Variants in PIP5K1C observed in about 807,000 individuals in gnomAD.
The protein encoded by PIP5K1C is phosphatidylinositol 4-phosphate 5-kinase type-1 gamma.
Under a neutral mutation model 80.1 loss-of-function variants are expected in PIP5K1C, and 45 were observed. That is an observed-to-expected ratio of 0.56 (90% confidence interval 0.44 to 0.72). The LOEUF (loss-of-function observed/expected upper bound fraction) is 0.72, where lower values mean the gene tolerates loss of function less well. Ranked by LOEUF, PIP5K1C falls within the 30% of genes least tolerant of loss-of-function variation. The probability of loss-of-function intolerance (pLI) is 0.00; values close to 1 mark genes in which losing one functional copy is unlikely to be tolerated. For synonymous variants in PIP5K1C, 498 were observed against 420.1 expected (o/e 1.19, Z -2.27); for missense variants, 753 against 954.6 (o/e 0.79, Z 2.78).
At chr19:3,665,940 C>G (rs1036575867) in intron 2 of PIP5K1C, among the ~76,000 whole-genome samples, 10 of 152,174 alleles carry the variant, frequency 6.6e-5, no homozygotes, top group Non-Finnish European at 1.5e-4. Flanking sequence ...CCCAGGGACA[C>G]GCCTGCAGCC....
intron 6 of PIP5K1C, among the ~76,000 whole-genome samples, chr19:3,654,259 C>T (rs553190404): frequency 6.9e-4 from 105 of 152,330 alleles, no homozygotes; most frequent in Admixed American, 1.7e-3. Flanking sequence ...TCCTGCTGTA[C>T]CCTGTAGACC....
At position 3,660,498 on chromosome 19, in the gene PIP5K1C, C is replaced by G. The variant is rs896705960; in HGVS notation, c.468+468G>C. Among the ~76,000 whole-genome samples the G allele has an allele frequency of 1.9e-4, 29 of 152,094 alleles. 1 individual carries two copies. Among genetic ancestry groups the G allele is most frequent in the Non-Finnish European group, 3.7e-4 (25 of 67,998 alleles). On this transcript the variant is annotated intron_variant, in intron 5 of 17. Transcript: ENST00000335312. ...TGGGCTGCTAGGTCAAAGGGGTTGG[C>G]CTAGATTTTGACTTTGCTAACCTGA... is the stretch of plus-strand genomic sequence containing the variant.
intron 7 of PIP5K1C, among the ~76,000 whole-genome samples, chr19:3,652,421 A>G (rs972315603): frequency 1.3e-5 from 2 of 152,208 alleles, no homozygotes; most frequent in Non-Finnish European, 2.9e-5. Flanking sequence ...TGCCCAGGGT[A>G]GCCTCAAGGC....
intron 16 of PIP5K1C, among the ~76,000 whole-genome samples, chr19:3,633,811 G>T (rs2033557510): frequency 6.6e-6 from 1 of 152,094 alleles, no homozygotes; most frequent in South Asian, 2.1e-4. Context: ...GCCGGCGGAA[G>T]CGGGTGGGGG....
At chr19:3,685,780 G>T (rs182223637) in intron 1 of PIP5K1C, among the ~76,000 whole-genome samples, 16 of 152,046 alleles carry the variant, frequency 1.1e-4, no homozygotes, top group African/African-American at 3.6e-4. Context: ...ATGTGTTCAC[G>T]AATTGTCTGG....
chr19:3,671,365 G>T (rs961534235), intron 1 of PIP5K1C, among the ~76,000 whole-genome samples: 2 of 152,252 alleles, frequency 1.3e-5, no homozygotes, highest in African/African-American at 4.8e-5. Context: ...CAGCTCTGCT[G>T]ACCTCACCAG....
chr19:3,669,432 C>T (rs1254710324), intron 1 of PIP5K1C, among the ~76,000 whole-genome samples: 4 of 152,254 alleles, frequency 2.6e-5, no homozygotes, highest in Non-Finnish European at 5.9e-5. Context: ...GAGGTGGGTG[C>T]GGAGTCCGCG....
chr19:3,659,909 G>A (rs1189196777), intron 5 of PIP5K1C, among the ~76,000 whole-genome samples: 2 of 152,194 alleles, frequency 1.3e-5, no homozygotes, highest in African/African-American at 2.4e-5. Flanking sequence ...ACAGGCTCCC[G>A]GCCCCGGGGA....
At chr19:3,699,134 G>A (rs891490844) in intron 1 of PIP5K1C, among the ~76,000 whole-genome samples, 20 of 151,996 alleles carry the variant, frequency 1.3e-4, no homozygotes, top group Non-Finnish European at 2.5e-4. Flanking sequence ...GGAAGTTGGG[G>A]GGCCCAAGAA....
intron 1 of PIP5K1C, among the ~76,000 whole-genome samples, chr19:3,693,345 G>A (rs914078051): frequency 2.6e-5 from 4 of 151,954 alleles, no homozygotes; most frequent in African/African-American, 9.7e-5. Context: ...CCCCATGCCA[G>A]CTCAGGCACC....
Position 3,651,860 on chromosome 19 carries a change from C to T in PIP5K1C, c.1093G>A (p.Ala365Thr), listed in dbSNP as rs781491091. 1.4e-5 allele frequency: 22 copies of T among 1,612,372 alleles called. No homozygotes were observed. Among genetic ancestry groups the T allele is most frequent in the South Asian group, 9.9e-5 (9 of 91,070 alleles). Reference sequence around the variant, plus strand: ...GATTCGATGGCCTCCCCGCGCGCGGCGCCACCCTGGATGGACTCCATGGCC... The same window carrying T: ...GATTCGATGGCCTCCCCGCGCGCGGTGCCACCCTGGATGGACTCCATGGCC... ...STAMESIQGG[A>T]ARGEAIESDD... is the part of the protein sequence containing the mutation. The change falls in exon 8 of 18, where the codon GCC becomes ACC. Residue 365 changes from alanine to threonine, a missense_variant. By Grantham distance (58) the Ala-to-Thr change is moderately conservative (BLOSUM62 0). This residue lies in a region of PIP5K1C where 114 missense variants were observed against 152.4 expected (regional missense o/e 0.75). Transcript: ENST00000335312.
Position 3,637,059 on chromosome 19 carries a change from C to T in PIP5K1C, c.1920+1825G>A. ...GAGGTGGGTGTGGAGAGACCATCTC[C>T]TCCCCGTCTCCATGGCCCTGCGGTT... On this transcript the variant is annotated intron_variant, in intron 16 of 17. Coordinates refer to ENST00000335312, the MANE Select transcript of PIP5K1C (RefSeq NM_012398.3). This position sits in a 1 kb window ranked among gnomAD's most constrained non-coding sequence, Gnocchi z 7.0. The T allele has an allele frequency of 8.5e-7, 1 of 1,173,728 alleles. No individual in the cohort carries two copies. The highest frequency in any genetic ancestry group is 5.7e-5 in the East Asian group (1 of 17,524). The allele number at this position is 1,173,728 out of a possible 1,614,324, so 72.7% of individuals were successfully genotyped here.
chr19:3,646,613 C>T (rs997660323), intron 10 of PIP5K1C, among the ~76,000 whole-genome samples: 1 of 152,204 alleles, frequency 6.6e-6, no homozygotes, highest in Non-Finnish European at 1.5e-5. Context: ...TCGTCAGAGC[C>T]GAGACAGCGC....
At chr19:3,661,837 G>C in intron 4 of PIP5K1C, 34 bp downstream of exon 4, 2 of 1,608,038 alleles carry the variant, frequency 1.2e-6, no homozygotes, top group Admixed American at 3.3e-5. Context: ...CGTGTGTGCT[G>C]GGTGAGCCCT....
At chr19:3,681,885 C>T (rs754569225) in intron 1 of PIP5K1C, among the ~76,000 whole-genome samples, 48 of 152,100 alleles carry the variant, frequency 3.2e-4, no homozygotes, top group Admixed American at 1.0e-3. Context: ...CTGGGGCCTG[C>T]GTTTGGTCCT....
At chr19:3,686,489 C>T (rs1412492554) in intron 1 of PIP5K1C, among the ~76,000 whole-genome samples, 6 of 151,432 alleles carry the variant, frequency 4.0e-5, no homozygotes, top group Admixed American at 1.3e-4. Context: ...GAGGCCAAGG[C>T]GGGCAGATCA....
intron 1 of PIP5K1C, among the ~76,000 whole-genome samples, chr19:3,672,301 G>C (rs1450129647): frequency 1.3e-5 from 2 of 152,224 alleles, no homozygotes; most frequent in Admixed American, 6.5e-5. Context: ...GGCCCTGCCA[G>C]TGCTCCCTGG....
intron 1 of PIP5K1C, among the ~76,000 whole-genome samples, chr19:3,678,165 GAGAT>G: frequency 1.5e-5 from 2 of 136,500 alleles, no homozygotes; most frequent in East Asian, 2.5e-4. Flanking sequence ...GAGGGATGGA[GAGAT>G]GGAGGGATGG....
At position 3,647,150 on chromosome 19, in the gene PIP5K1C, G is replaced by C. The variant is rs191314601; in HGVS notation, c.1260+188C>G. Among the ~76,000 whole-genome samples, 380 of 131,820 alleles carry C rather than the reference G, an allele frequency of 2.9e-3. 4 individuals carry two copies. The highest frequency in any genetic ancestry group is 0.017 in the Middle Eastern group (4 of 240). 86.5% of individuals were successfully genotyped at this position (131,820 alleles called of 152,430 possible). A position where few individuals can be genotyped will look rare whatever the true frequency, so the allele number is the denominator to read the frequency against. ...CACTCACAGAGGAGGGATGGGAGGA[G>C]GGTGCAGGCACTCACAGAGGAGGGA... On this transcript the variant is annotated intron_variant, in intron 10 of 17. Coordinates refer to ENST00000335312, the MANE Select transcript of PIP5K1C (RefSeq NM_012398.3).
Sources: allele counts gnomAD v4.1 joint callset (sites outside exome capture counted in the v4.1 genomes callset), GRCh38; gene constraint gnomAD v4.1.1; regional missense constraint gnomAD v4.1.1; non-coding constraint Gnocchi (gnomAD v3.1); transcripts MANE v1.5; gene names NCBI Gene and HGNC (gene_info 2026-07-23, HGNC 2026-07-21).